The following DOCK5 variants were observed in gnomAD, a reference collection of about 807,000 sequenced individuals.
DOCK5 encodes the protein dedicator of cytokinesis protein 5.
A neutral mutation model predicts 251.8 loss-of-function variants in DOCK5; 142 were observed. The ratio of observed to expected loss-of-function variants is 0.56; its 90% CI spans 0.49 to 0.65. The LOEUF is 0.65. Among genes scored for constraint, DOCK5 ranks in the 30% least tolerant of loss-of-function variants. The pLI, the probability that DOCK5 is intolerant of heterozygous loss-of-function variation, is 0.00. For synonymous variants in DOCK5, 842 were observed against 835.5 expected (o/e 1.01, Z -0.13); for missense variants, 2,111 against 2,312.3 (o/e 0.91, Z 1.79).
intron 5 of DOCK5, among the ~76,000 whole-genome samples, chr8:25,287,972 G>A (rs1452670427): frequency 7.0e-6 from 1 of 143,802 alleles, no homozygotes; most frequent in Non-Finnish European, 1.5e-5. Flanking sequence ...AGCAACCTCT[G>A]CCTCCTGGGT....
At chr8:25,254,772 T>TAAAAAAAAAAAAAAA (rs1803367347) in intron 2 of DOCK5, among the ~76,000 whole-genome samples, 1 of 10,458 alleles carries the variant, frequency 9.6e-5, no homozygotes, top group Non-Finnish European at 1.6e-4. Flanking sequence ...AGACTTTGTC[T>TAAAAAAAAAAAAAAA]CAAAAAAAAA....
intron 1 of DOCK5, among the ~76,000 whole-genome samples, chr8:25,239,243 A>G (rs922074714): frequency 6.6e-6 from 1 of 151,980 alleles, no homozygotes; most frequent in African/African-American, 2.4e-5. Context: ...ACGGGCTGGG[A>G]CAATTTTGGA....
chr8:25,363,273 G>C, intron 29 of DOCK5, 132 bp downstream of exon 29: 1 of 735,564 alleles, frequency 1.4e-6, no homozygotes, highest in East Asian at 2.6e-5. Flanking sequence ...TCCTGCTCCA[G>C]AGGTCCTAAT....
intron 22 of DOCK5, 77 bp from the exon 23 acceptor site, chr8:25,340,800 G>T: frequency 8.7e-7 from 1 of 1,145,452 alleles, no homozygotes. Context: ...AAGGAGAAGT[G>T]AGGGAGGCAA....
At chr8:25,298,813 A>T (rs1414404766) in intron 7 of DOCK5, 131 bp from the exon 8 acceptor site, 1 of 1,006,992 alleles carries the variant, frequency 9.9e-7, no homozygotes, top group East Asian at 2.8e-5. Flanking sequence ...TAGCACTGGG[A>T]TTACAGGAAT....
At chr8:25,222,174 C>G (rs1426764699) in intron 1 of DOCK5, among the ~76,000 whole-genome samples, 4 of 152,142 alleles carry the variant, frequency 2.6e-5, no homozygotes, top group African/African-American at 9.7e-5. Flanking sequence ...GAACAATGCT[C>G]TCCCCAAGGT....
intron 1 of DOCK5, among the ~76,000 whole-genome samples, chr8:25,205,970 A>G (rs749061412): frequency 1.3e-5 from 2 of 152,246 alleles, no homozygotes; most frequent in Non-Finnish European, 2.9e-5. Flanking sequence ...GTATAAAGCC[A>G]TAAATAACTC....
rs143801186 is a variant in DOCK5 at position 25,404,668 on chromosome 8, A to G, written c.5093+944A>G. ...GCTTTCACTCTATTACTGTTACTTC[A>G]GTGTGACAATGAATAACCTTAAACA... On this transcript the variant is annotated intron_variant, in intron 48 of 51. Coordinates refer to ENST00000276440, the MANE Select transcript of DOCK5 (RefSeq NM_024940.8). Among the ~76,000 whole-genome samples the G allele has an allele frequency of 3.5e-3, 540 of 152,122 alleles. 5 individuals are homozygous for G. The highest frequency in any genetic ancestry group is 0.033 in the South Asian group (157 of 4,816).
chr8:25,360,012 A>G (rs1800648140), intron 28 of DOCK5, among the ~76,000 whole-genome samples: 1 of 152,234 alleles, frequency 6.6e-6, no homozygotes, highest in Non-Finnish European at 1.5e-5. Context: ...AGCAGTGGAC[A>G]GGATGTGCCG....
chr8:25,266,518 C>A (rs984300395), intron 2 of DOCK5, among the ~76,000 whole-genome samples: 1 of 151,874 alleles, frequency 6.6e-6, no homozygotes, highest in Admixed American at 6.6e-5. Flanking sequence ...AGTCTAATAT[C>A]AAGCTATATT....
chr8:25,185,314 A>G (rs1801405383), intron 1 of DOCK5, among the ~76,000 whole-genome samples: 2 of 152,096 alleles, frequency 1.3e-5, no homozygotes. Context: ...CGTGGGTTTC[A>G]CCTGGGAGTA....
chr8:25,197,516 C>G (rs1801758501), intron 1 of DOCK5, among the ~76,000 whole-genome samples: 1 of 151,240 alleles, frequency 6.6e-6, no homozygotes. Flanking sequence ...CTGTCACTAT[C>G]CACATCAGAT....
intron 38 of DOCK5, among the ~76,000 whole-genome samples, chr8:25,378,661 C>T (rs927810839): frequency 6.6e-6 from 1 of 152,170 alleles, no homozygotes; most frequent in African/African-American, 2.4e-5. Flanking sequence ...CTGCTAGCCT[C>T]AGACACTGAG....
At chr8:25,410,987 GCACGCA>G (rs1563236253) in intron 51 of DOCK5, among the ~76,000 whole-genome samples, 3 of 107,118 alleles carry the variant, frequency 2.8e-5, no homozygotes, top group African/African-American at 8.4e-5. Flanking sequence ...GCGCGCGCAC[GCACGCA>G]CGCACGCACG....
intron 26 of DOCK5, 78 bp downstream of exon 26, chr8:25,345,689 T>A (rs1184621717): frequency 6.4e-7 from 1 of 1,563,682 alleles, no homozygotes; most frequent in Non-Finnish European, 8.7e-7. Context: ...TCCGTGGCCT[T>A]CCTATTCTCA....
intron 1 of DOCK5, among the ~76,000 whole-genome samples, chr8:25,216,993 A>G (rs2117489263): frequency 7.6e-6 from 1 of 131,712 alleles, no homozygotes; most frequent in East Asian, 2.3e-4. Flanking sequence ...ATATGTATAG[A>G]TGTATACAAT....
intron 14 of DOCK5, among the ~76,000 whole-genome samples, chr8:25,318,881 G>A (rs1805343806): frequency 6.6e-6 from 1 of 152,116 alleles, no homozygotes; most frequent in Non-Finnish European, 1.5e-5. Context: ...TGCCATGGAT[G>A]TTATAATCTA....
At chr8:25,340,493 T>A (rs1055574387) in intron 22 of DOCK5, among the ~76,000 whole-genome samples, 4 of 152,234 alleles carry the variant, frequency 2.6e-5, no homozygotes, top group African/African-American at 7.2e-5. Context: ...TTTCTACTTA[T>A]GAGAAAGAAC....
chr8:25,362,628 G>T (rs568232567), intron 28 of DOCK5, among the ~76,000 whole-genome samples: 4 of 151,528 alleles, frequency 2.6e-5, no homozygotes, highest in African/African-American at 9.7e-5. Flanking sequence ...CACCATGCCC[G>T]GCAAATTTTT....
Sources: gnomAD v4.1 joint callset for allele counts (sites outside exome capture counted in the v4.1 genomes callset) on GRCh38, gnomAD v4.1.1 for gene constraint, MANE v1.5 for transcripts, NCBI Gene and HGNC (gene_info 2026-07-23, HGNC 2026-07-21) for gene names.